The following TESK2 variants were observed in gnomAD, a reference collection of about 807,000 sequenced individuals.
TESK2 encodes the protein testis associated actin remodelling kinase 2.
A neutral mutation model predicts 57.1 loss-of-function variants in TESK2; 39 were observed. That is an observed-to-expected ratio of 0.68 (90% CI 0.53 to 0.89). The LOEUF is 0.89. Ranked by LOEUF, TESK2 falls within the 40% of genes least tolerant of loss-of-function variation. The pLI is 0.00. For missense variants in TESK2, 646 were observed against 732.1 expected (o/e 0.88, Z 1.36); for synonymous variants, 249 against 267.9 (o/e 0.93, Z 0.69).
At chr1:45,380,512 C>T (rs1048542596) in intron 4 of TESK2, among the ~76,000 whole-genome samples, 2 of 152,180 alleles carry the variant, frequency 1.3e-5, no homozygotes, top group African/African-American at 2.4e-5. Context: ...TTCTTCCTCT[C>T]CTCTCCATCC....
At chr1:45,428,246 C>T (rs1320476731) in intron 2 of TESK2, among the ~76,000 whole-genome samples, 1 of 151,072 alleles carries the variant, frequency 6.6e-6, no homozygotes. Flanking sequence ...GAAACTGAGG[C>T]ACAGAGAAAT....
intron 3 of TESK2, among the ~76,000 whole-genome samples, chr1:45,420,421 T>C (rs1201990914): frequency 2.6e-5 from 4 of 151,414 alleles, no homozygotes; most frequent in Non-Finnish European, 1.5e-5. Context: ...TTTTGTTGTT[T>C]GTTGTTGTTG....
chr1:45,433,413 T>A (rs2149291055), intron 2 of TESK2, among the ~76,000 whole-genome samples: 2 of 152,218 alleles, frequency 1.3e-5, no homozygotes, highest in African/African-American at 4.8e-5. Flanking sequence ...TATATGTTTG[T>A]ACCTATTAAC....
intron 3 of TESK2, among the ~76,000 whole-genome samples, chr1:45,396,278 T>C (rs935676648): frequency 1.3e-5 from 2 of 151,890 alleles, no homozygotes; most frequent in Non-Finnish European, 2.9e-5. Flanking sequence ...GTATTTTTAG[T>C]AGAGACAGGG....
intron 3 of TESK2, among the ~76,000 whole-genome samples, chr1:45,392,053 T>C (rs1257514233): frequency 2.0e-5 from 3 of 152,236 alleles, no homozygotes; most frequent in Middle Eastern, 3.2e-3. Flanking sequence ...CATTTCTGAC[T>C]CCTTCCCCAG....
chr1:45,431,994 C>T (rs1338183097), intron 2 of TESK2, among the ~76,000 whole-genome samples: 7 of 151,988 alleles, frequency 4.6e-5, no homozygotes. Context: ...GCCTGTAATC[C>T]CAGCACTCTG....
intron 4 of TESK2, among the ~76,000 whole-genome samples, chr1:45,381,685 G>A (rs184384088): frequency 1.5e-4 from 23 of 151,912 alleles, no homozygotes; most frequent in African/African-American, 1.7e-4. Context: ...AGAAATAAAC[G>A]TTTATTGTAT....
chr1:45,376,900 G>T (rs184728709), intron 4 of TESK2, among the ~76,000 whole-genome samples: 2 of 152,236 alleles, frequency 1.3e-5, no homozygotes, highest in Admixed American at 1.3e-4. Flanking sequence ...GCTTGATGAT[G>T]ATTATTCAGA....
intron 2 of TESK2, among the ~76,000 whole-genome samples, chr1:45,454,479 A>T (rs1352152434): frequency 6.6e-6 from 1 of 151,506 alleles, no homozygotes; most frequent in Non-Finnish European, 1.5e-5. Context: ...GAGTTTCGTC[A>T]TGTTGCCCAG....
chr1:45,402,999 A>G (rs1313910232), intron 3 of TESK2, among the ~76,000 whole-genome samples: 1 of 151,778 alleles, frequency 6.6e-6, no homozygotes, highest in Non-Finnish European at 1.5e-5. Context: ...ACAACAACAA[A>G]AAGGCCAGGT....
At chr1:45,428,889 T>C (rs1311007111) in intron 2 of TESK2, among the ~76,000 whole-genome samples, 7 of 146,548 alleles carry the variant, frequency 4.8e-5, no homozygotes, top group Admixed American at 4.2e-4. Context: ...TGGCGTGATC[T>C]TGGCTCGCTG....
At chr1:45,468,524 ATAAAATGTGGGAATGATTACTTT>A (rs1652643684) in intron 1 of TESK2, among the ~76,000 whole-genome samples, 1 of 152,254 alleles carries the variant, frequency 6.6e-6, no homozygotes, top group Admixed American at 6.5e-5. Context: ...GCCCAATTTT[ATAAAATGTGGGAATGATTACTTT>A]TAAAATAAGA....
At chr1:45,394,679 CTTT>C (rs5773871) in intron 3 of TESK2, among the ~76,000 whole-genome samples, 9 of 57,420 alleles carry the variant, frequency 1.6e-4, no homozygotes, top group South Asian at 1.7e-3. Flanking sequence ...ACAGGAAACT[CTTT>C]TTTTTTTTTT....
chr1:45,390,191 G>C (rs1649077369), intron 3 of TESK2, among the ~76,000 whole-genome samples: 1 of 152,170 alleles, frequency 6.6e-6, no homozygotes, highest in South Asian at 2.1e-4. Context: ...GGCACTTGGG[G>C]AGGCCAAGGC....
chr1:45,387,932 G>A (rs1201141821), intron 3 of TESK2, among the ~76,000 whole-genome samples: 6 of 152,138 alleles, frequency 3.9e-5, no homozygotes, highest in Admixed American at 2.6e-4. Context: ...ACTTGAACCC[G>A]GGAGGCGGAG....
intron 1 of TESK2, among the ~76,000 whole-genome samples, chr1:45,469,399 A>G (rs1489258418): frequency 1.3e-5 from 2 of 152,162 alleles, no homozygotes; most frequent in African/African-American, 4.8e-5. Context: ...CTTTGTGACA[A>G]CTCTGCAAAG....
chr1:45,409,719 A>G (rs1649970241), intron 3 of TESK2, among the ~76,000 whole-genome samples: 1 of 152,202 alleles, frequency 6.6e-6, no homozygotes, highest in African/African-American at 2.4e-5. Context: ...GGTTTGAAAT[A>G]GGGTGTAAGA....
intron 5 of TESK2, among the ~76,000 whole-genome samples, chr1:45,354,990 C>A (rs1647360907): frequency 6.6e-6 from 1 of 151,394 alleles, no homozygotes; most frequent in African/African-American, 2.4e-5. Context: ...TCAAGACCAG[C>A]CTGGCCAATA....
At chr1:45,358,081 A>G (rs1018246131) in intron 4 of TESK2, among the ~76,000 whole-genome samples, 4 of 150,598 alleles carry the variant, frequency 2.7e-5, no homozygotes, top group African/African-American at 9.8e-5. Context: ...TGGGAGGCCA[A>G]GGTGGGCAGA....
Sources: allele counts gnomAD v4.1 joint callset (sites outside exome capture counted in the v4.1 genomes callset), GRCh38; gene constraint gnomAD v4.1.1; transcripts MANE v1.5; gene names NCBI Gene and HGNC (gene_info 2026-07-23, HGNC 2026-07-21).